TLN2: variants seen among roughly 807,000 people sequenced by gnomAD.
TLN2 encodes the protein talin 2, also known as talin-2.
Under a neutral mutation model 294.7 loss-of-function variants are expected in TLN2, and 118 were observed. The observed-to-expected ratio is 0.40, with a 90% CI of 0.34 to 0.47. TLN2 has a LOEUF of 0.47. Ranked by LOEUF, TLN2 falls within the 20% of genes least tolerant of loss-of-function variation. TLN2 has a pLI of 0.84. For missense variants in TLN2, 3,083 were observed against 3,282.2 expected, an observed-to-expected ratio of 0.94 and a Z score of 1.48; for synonymous variants, 1,431 against 1,304.5, an observed-to-expected ratio of 1.10 and a Z score of -2.09.
At position 62,820,680 on chromosome 15, in the gene TLN2, C is replaced by G. The variant is rs183551574; in HGVS notation, c.7002+70C>G. On this transcript the variant is annotated intron_variant, in intron 54 of 58. Coordinates refer to ENST00000636159, the MANE Select transcript of TLN2 (RefSeq NM_015059.3). ...TCCAGTGGGTGGCTGTGAAATGGAGCTAGGAGTGCTGCAGGGAGCTTGGCT... is the reference window on the plus strand; with the variant it reads ...TCCAGTGGGTGGCTGTGAAATGGAGGTAGGAGTGCTGCAGGGAGCTTGGCT... 3.2e-3 allele frequency: 5,035 copies of G among 1,563,172 alleles called. 9 individuals are homozygous for G. Among genetic ancestry groups the G allele is most frequent in the Non-Finnish European group, 4.1e-3 (4,741 of 1,153,316 alleles).
chr15:62,781,117 G>A (rs1372074538), intron 43 of TLN2, 23 bp from the exon 44 acceptor site: 1 of 1,591,358 alleles, frequency 6.3e-7, no homozygotes, highest in Non-Finnish European at 8.6e-7. Flanking sequence ...ATGACCTTTG[G>A]ATTCTTTTCC....
At chr15:62,544,511 A>T (rs531812323) in intron 1 of TLN2, among the ~76,000 whole-genome samples, 4 of 152,316 alleles carry the variant, frequency 2.6e-5, no homozygotes, top group African/African-American at 9.6e-5. Flanking sequence ...CACTGTGTGT[A>T]CAAGGAAGGA....
At chr15:62,767,279 A>G (rs2063066085) in intron 41 of TLN2, among the ~76,000 whole-genome samples, 1 of 152,122 alleles carries the variant, frequency 6.6e-6, no homozygotes, top group Admixed American at 6.5e-5. Context: ...CTCAAAGGCC[A>G]GTGTCTTTCT....
At chr15:62,637,313 CAG>C (rs1244350857) in intron 3 of TLN2, 1 of 152,158 alleles carries the variant, frequency 6.6e-6, no homozygotes. Flanking sequence ...AATTCAAAGT[CAG>C]AGTTCAGTTT....
At chr15:62,488,532 C>G (rs1280707662) in intron 1 of TLN2, among the ~76,000 whole-genome samples, 1 of 152,212 alleles carries the variant, frequency 6.6e-6, no homozygotes, top group Non-Finnish European at 1.5e-5. Context: ...GTGAGAATCA[C>G]TGCAAAATGG....
chr15:62,623,204 C>T (rs983788364), intron 3 of TLN2, among the ~76,000 whole-genome samples: 23 of 152,224 alleles, frequency 1.5e-4, no homozygotes, highest in Admixed American at 1.5e-3. Context: ...AACAAAAGCT[C>T]TTTGGGACTG....
intron 20 of TLN2, 72 bp from the exon 21 acceptor site, chr15:62,708,430 G>A (rs2059206116): frequency 2.0e-6 from 3 of 1,522,326 alleles, no homozygotes; most frequent in Non-Finnish European, 2.7e-6. Flanking sequence ...GCTTTGATGG[G>A]ACTGCGGGGG....
intron 1 of TLN2, among the ~76,000 whole-genome samples, chr15:62,505,253 G>A (rs1208141244): frequency 1.3e-5 from 2 of 152,046 alleles, no homozygotes; most frequent in African/African-American, 4.8e-5. Flanking sequence ...CACTGTGCTC[G>A]GCCAAAAACA....
At chr15:62,577,842 C>T (rs1026342941) in intron 1 of TLN2, among the ~76,000 whole-genome samples, 34 of 152,308 alleles carry the variant, frequency 2.2e-4, no homozygotes, top group African/African-American at 7.9e-4. Context: ...ATCCCTCCCC[C>T]AGCCTCCTAC....
intron 2 of TLN2, among the ~76,000 whole-genome samples, chr15:62,604,909 C>T (rs558788948): frequency 2.6e-5 from 4 of 152,200 alleles, no homozygotes; most frequent in African/African-American, 9.6e-5. Flanking sequence ...CCTCCTCCTC[C>T]TCCTTTCCCC....
chr15:62,611,222 GA>G (rs11305061), intron 2 of TLN2, among the ~76,000 whole-genome samples: 3,173 of 152,150 alleles, frequency 0.021, 123 homozygotes, highest in African/African-American at 0.073. Flanking sequence ...TCAAAATTAA[GA>G]AAAAAATGTT....
intron 1 of TLN2, among the ~76,000 whole-genome samples, chr15:62,520,122 G>C (rs1442564555): frequency 6.6e-6 from 1 of 152,204 alleles, no homozygotes; most frequent in African/African-American, 2.4e-5. Flanking sequence ...CCATGATTCA[G>C]TTTTCTGCCA....
chr15:62,492,747 C>T (rs1009135135), intron 1 of TLN2, among the ~76,000 whole-genome samples: 2 of 151,810 alleles, frequency 1.3e-5, no homozygotes, highest in African/African-American at 4.8e-5. Flanking sequence ...TTTTTATTTC[C>T]CATTCATTTA....
At chr15:62,419,399 C>T (rs1394379515) in intron 1 of TLN2, among the ~76,000 whole-genome samples, 3 of 152,176 alleles carry the variant, frequency 2.0e-5, no homozygotes, top group Non-Finnish European at 4.4e-5. Flanking sequence ...CACAAGACAG[C>T]TGTTGGTGCT....
chr15:62,559,088 C>A (rs2042770747), intron 1 of TLN2, among the ~76,000 whole-genome samples: 1 of 152,176 alleles, frequency 6.6e-6, no homozygotes, highest in African/African-American at 2.4e-5. Context: ...ATCCACTTTC[C>A]CTTCAGCTAG....
intron 22 of TLN2, among the ~76,000 whole-genome samples, chr15:62,712,752 G>GT: frequency 6.6e-6 from 1 of 152,244 alleles, no homozygotes; most frequent in South Asian, 2.1e-4. Flanking sequence ...GCATGCGTGC[G>GT]TGCATGTGTT....
chr15:62,556,786 G>A (rs950023531), intron 1 of TLN2, among the ~76,000 whole-genome samples: 1 of 152,110 alleles, frequency 6.6e-6, no homozygotes, highest in Non-Finnish European at 1.5e-5. Flanking sequence ...AGTAATAGCA[G>A]GCATCCTTGT....
chr15:62,764,743 G>A (rs1455030442), intron 40 of TLN2, among the ~76,000 whole-genome samples: 4 of 151,972 alleles, frequency 2.6e-5, no homozygotes, highest in Non-Finnish European at 5.9e-5. Flanking sequence ...GAGGCGGATG[G>A]ATCACTTGAG....
intron 12 of TLN2, among the ~76,000 whole-genome samples, chr15:62,687,272 T>G (rs554665427): frequency 6.6e-6 from 1 of 152,196 alleles, no homozygotes; most frequent in Non-Finnish European, 1.5e-5. Flanking sequence ...TAGGATAGTA[T>G]TATTATAGAA....
Sources: allele counts gnomAD v4.1 joint callset (sites outside exome capture counted in the v4.1 genomes callset), GRCh38; gene constraint gnomAD v4.1.1; transcripts MANE v1.5; gene names NCBI Gene and HGNC (gene_info 2026-07-23, HGNC 2026-07-21).